CATSPERE: variants seen among roughly 807,000 people sequenced by gnomAD.
The protein encoded by CATSPERE is cation channel sperm-associated auxiliary subunit epsilon.
In CATSPERE, 93 loss-of-function variants were observed where a neutral mutation model predicts 114.1. That is an observed-to-expected ratio of 0.81 (90% CI 0.69 to 0.97). CATSPERE has a LOEUF of 0.97. Ranked by LOEUF, CATSPERE falls within the 50% of genes least tolerant of loss-of-function variation. The probability of loss-of-function intolerance (pLI) is 0.00; values close to 1 mark genes in which losing one functional copy is unlikely to be tolerated. For missense variants in CATSPERE, 1,058 were observed against 1,131.6 expected (o/e 0.93, Z 0.93); for synonymous variants, 341 against 384.1 (o/e 0.89, Z 1.31).
At chr1:244,468,220 G>A (rs1332968971) in intron 2 of CATSPERE, among the ~76,000 whole-genome samples, 2 of 151,882 alleles carry the variant, frequency 1.3e-5, no homozygotes, top group African/African-American at 4.8e-5. Context: ...AGCCTCCCGA[G>A]AAGCTGGGAC....
At chr1:244,631,376 C>A (rs1363030045) in intron 20 of CATSPERE, among the ~76,000 whole-genome samples, 9 of 151,898 alleles carry the variant, frequency 5.9e-5, no homozygotes, top group Non-Finnish European at 7.4e-5. Flanking sequence ...TAGGAAAAAA[C>A]CTAATTAACC....
At chr1:244,585,957 A>G (rs575039337) in intron 13 of CATSPERE, among the ~76,000 whole-genome samples, 1 of 152,316 alleles carries the variant, frequency 6.6e-6, no homozygotes, top group South Asian at 2.1e-4. Flanking sequence ...GCAGTGCATT[A>G]TCTAACAGCA....
rs1364894707 is a variant in CATSPERE at position 244,610,283 on chromosome 1, A to G, written c.2447A>G (p.Glu816Gly). The G allele has an allele frequency of 2.5e-6, 4 of 1,613,144 alleles. No individual in the cohort carries two copies. Among genetic ancestry groups the G allele is most frequent in the Non-Finnish European group, 3.4e-6 (4 of 1,179,518 alleles). ...GCACAGACATGGAAGTCAATGATTG[A>G]ACTTAACAAGCACCTCCCACTAGAA... ...HEAQTWKSMI[E>G]LNKHLPLEEV... Residue 816 changes from glutamate (E) to glycine (G), a missense_variant, in exon 19 of 22, where the codon GAA becomes GGA. Glu to Gly is a moderately conservative substitution (Grantham distance 98). Transcript: ENST00000366534.
chr1:244,499,017 G>T lies in CATSPERE; in HGVS notation c.367G>T (p.Ala123Ser), dbSNP rs763085627. The T allele has an allele frequency of 6.2e-7, 1 of 1,612,044 alleles. No homozygotes were observed. The highest frequency in any genetic ancestry group is 1.1e-5 in the South Asian group (1 of 90,974). Residue 123 changes from alanine (A) to serine (S), a missense_variant, in exon 7 of 22, where the codon GCA becomes TCA. Physicochemically the swap from Ala to Ser is moderately conservative, Grantham distance 99. Transcript: ENST00000366534. ...NNFTQLITVW[A>S]YDPESADPDE... Reference sequence around the variant, plus strand: ...TATTTTCTAGCTTATCACTGTGTGGGCATATGATCCAGAAAGTGCAGATCC... The same window carrying T: ...TATTTTCTAGCTTATCACTGTGTGGTCATATGATCCAGAAAGTGCAGATCC...
intron 17 of CATSPERE, chr1:244,598,361 C>T (rs1343521188): frequency 1.3e-5 from 2 of 155,512 alleles, no homozygotes; most frequent in African/African-American, 4.8e-5. Flanking sequence ...AGATCAATGA[C>T]ACTACAATAC....
intron 10 of CATSPERE, among the ~76,000 whole-genome samples, chr1:244,562,894 C>A (rs1360095712): frequency 2.0e-5 from 3 of 152,092 alleles, no homozygotes; most frequent in Non-Finnish European, 4.4e-5. Flanking sequence ...ACCCTCCCAA[C>A]CCCTGACAGG....
intron 7 of CATSPERE, among the ~76,000 whole-genome samples, chr1:244,512,180 T>C (rs1268589537): frequency 6.6e-6 from 1 of 152,212 alleles, no homozygotes; most frequent in Non-Finnish European, 1.5e-5. Context: ...AAAATTCAAA[T>C]ATCTGGTTGC....
intron 13 of CATSPERE, among the ~76,000 whole-genome samples, chr1:244,585,896 G>A (rs1210313613): frequency 2.0e-5 from 3 of 152,226 alleles, no homozygotes; most frequent in Non-Finnish European, 4.4e-5. Flanking sequence ...GAGGGCCTTA[G>A]TAAATCCTTC....
chr1:244,521,528 A>ATAAAGC (rs992249175), intron 8 of CATSPERE, among the ~76,000 whole-genome samples: 25 of 152,328 alleles, frequency 1.6e-4, no homozygotes, highest in African/African-American at 4.8e-4. Context: ...GAGGGAAAAA[A>ATAAAGC]TAAAGCTTTA....
chr1:244,595,604 T>G (rs1668284364), intron 17 of CATSPERE, among the ~76,000 whole-genome samples: 1 of 152,144 alleles, frequency 6.6e-6, no homozygotes, highest in Non-Finnish European at 1.5e-5. Context: ...CGGAAGGCCT[T>G]CTATCAAGTC....
chr1:244,497,372 T>A lies in CATSPERE; in HGVS notation c.352-1630T>A, dbSNP rs3006025. Among the ~76,000 whole-genome samples, 708 of 151,750 alleles carry A rather than the reference T, an allele frequency of 4.7e-3. 9 individuals are homozygous for A. Among genetic ancestry groups the A allele is most frequent in the African/African-American group, 0.016 (672 of 41,368 alleles). On this transcript the variant is annotated intron_variant, in intron 6 of 21. Transcript: ENST00000366534. ...AATGTCTTCTTAATACGTAAAAAAA[T>A]TTCAAATAAACCATTAAAAGAGAAA...
chr1:244,516,516 A>G (rs895431791), intron 7 of CATSPERE, among the ~76,000 whole-genome samples: 1 of 148,556 alleles, frequency 6.7e-6, no homozygotes, highest in Non-Finnish European at 1.5e-5. Flanking sequence ...CCATGCTAAA[A>G]GGGTTTTGTT....
intron 15 of CATSPERE, 93 bp from the exon 16 acceptor site, chr1:244,593,302 C>T: frequency 7.8e-7 from 1 of 1,279,918 alleles, no homozygotes; most frequent in Non-Finnish European, 1.1e-6. Flanking sequence ...TCTGTTTGAC[C>T]TTTGTGATAC....
intron 7 of CATSPERE, among the ~76,000 whole-genome samples, chr1:244,517,739 C>A: frequency 6.6e-6 from 1 of 150,826 alleles, no homozygotes. Context: ...TGCCATTGCA[C>A]TCCAGCCTGG....
chr1:244,609,379 C>G (rs1323681610), intron 18 of CATSPERE, among the ~76,000 whole-genome samples: 1 of 149,922 alleles, frequency 6.7e-6, no homozygotes, highest in Non-Finnish European at 1.5e-5. Context: ...TTTAGAGAGT[C>G]TCACTCTGTC....
chr1:244,581,134 T>C (rs1666113126), intron 11 of CATSPERE, among the ~76,000 whole-genome samples: 2 of 152,200 alleles, frequency 1.3e-5, no homozygotes, highest in Non-Finnish European at 2.9e-5. Flanking sequence ...TCATTGCATG[T>C]ATATTATATA....
At chr1:244,584,081 T>C in intron 13 of CATSPERE, 142 bp downstream of exon 13, 2 of 543,058 alleles carry the variant, frequency 3.7e-6, no homozygotes, top group Non-Finnish European at 6.5e-6. Flanking sequence ...ATCCTCCTAT[T>C]ACTTAGCAAG....
chr1:244,621,099 T>TAG lies in CATSPERE; in HGVS notation c.2648+3414_2648+3415insGA, dbSNP rs1672128448. On this transcript the variant is annotated intron_variant, in intron 20 of 21. Coordinates refer to ENST00000366534, the MANE Select transcript of CATSPERE (RefSeq NM_001130957.2). The stretch of plus-strand genomic sequence containing the variant: ...TATATATATAAATATATATAAAATA[T>TAG]ATATAAATATATATATAATATATAT... Among the ~76,000 whole-genome samples, 6 of 65,916 alleles carry TAG rather than the reference T, an allele frequency of 9.1e-5. 3 individuals carry two copies. Among genetic ancestry groups the TAG allele is most frequent in the Admixed American group, 5.0e-4 (2 of 4,024 alleles). The allele number at this position is 65,916 out of a possible 152,430, so 43.2% of individuals were successfully genotyped here.
intron 10 of CATSPERE, among the ~76,000 whole-genome samples, chr1:244,565,433 A>C (rs1428675340): frequency 6.6e-6 from 1 of 152,064 alleles, no homozygotes; most frequent in African/African-American, 2.4e-5. Context: ...AGAACTTGTT[A>C]TTGGTCTATT....
Sources: allele counts gnomAD v4.1 joint callset (sites outside exome capture counted in the v4.1 genomes callset), GRCh38; gene constraint gnomAD v4.1.1; transcripts MANE v1.5; gene names NCBI Gene and HGNC (gene_info 2026-07-23, HGNC 2026-07-21).